ARHGAP25: variants seen among roughly 807,000 people sequenced by gnomAD.
The protein encoded by ARHGAP25 is rho GTPase-activating protein 25.
A neutral mutation model predicts 71.0 loss-of-function variants in ARHGAP25; 34 were observed. The ratio of observed to expected loss-of-function variants is 0.48; its 90% CI spans 0.36 to 0.64. The LOEUF (loss-of-function observed/expected upper bound fraction) is 0.64. Ranked by LOEUF, ARHGAP25 falls within the 30% of genes least tolerant of loss-of-function variation. ARHGAP25 has a pLI of 0.00. For missense variants in ARHGAP25, 706 were observed against 805.1 expected (o/e 0.88, Z 1.49); for synonymous variants, 282 against 296.5 (o/e 0.95, Z 0.50).
intron 4 of ARHGAP25, among the ~76,000 whole-genome samples, chr2:68,803,018 TAG>T (rs1055705537): frequency 6.6e-6 from 1 of 151,016 alleles, no homozygotes; most frequent in Non-Finnish European, 1.5e-5. Flanking sequence ...TATATATATA[TAG>T]AGAGAGAGAT....
intron 1 of ARHGAP25, among the ~76,000 whole-genome samples, chr2:68,744,182 A>T (rs532536647): frequency 6.6e-6 from 1 of 151,900 alleles, no homozygotes; most frequent in Non-Finnish European, 1.5e-5. Context: ...TCTTTCTAAA[A>T]TCACACAAAA....
chr2:68,773,186 G>A (rs1677600056), intron 1 of ARHGAP25, among the ~76,000 whole-genome samples: 1 of 152,180 alleles, frequency 6.6e-6, no homozygotes, highest in South Asian at 2.1e-4. Context: ...TGGAAATAGG[G>A]TGATAACTCC....
intron 1 of ARHGAP25, among the ~76,000 whole-genome samples, chr2:68,769,760 A>G (rs909244170): frequency 2.0e-5 from 3 of 151,968 alleles, no homozygotes; most frequent in African/African-American, 7.3e-5. Context: ...CTTGAAGGAT[A>G]AGTAAGAGTT....
chr2:68,820,581 C>T (rs1048642117), intron 9 of ARHGAP25, among the ~76,000 whole-genome samples: 1 of 152,078 alleles, frequency 6.6e-6, no homozygotes, highest in Admixed American at 6.5e-5. Flanking sequence ...GCCAAAAGGC[C>T]GAGAAGTGAT....
chr2:68,748,231 G>C (rs1675953084), intron 1 of ARHGAP25, among the ~76,000 whole-genome samples: 1 of 152,114 alleles, frequency 6.6e-6, no homozygotes, highest in African/African-American at 2.4e-5. Context: ...CCTGTCTGCT[G>C]TTCTCCCTGA....
rs1382740517 is a variant in ARHGAP25, at chr2:68,782,240, T to C, written c.269T>C (p.Met90Thr). The change falls in exon 3 of 11, where the codon ATG becomes ACG. Residue 90 changes from methionine to threonine, a missense_variant. By Grantham distance (81) the Met-to-Thr change is moderately conservative. Coordinates refer to ENST00000409202, the MANE Select transcript of ARHGAP25 (RefSeq NM_001007231.3). The stretch of plus-strand genomic sequence containing the variant: ...TGACTTTTCATCTTTCAGGGCTGCA[T>C]GTATCTACCAGGATGTACAATCAAG... ...DEEDTKPQGC[M>T]YLPGCTIKEI... The C allele has an allele frequency of 1.2e-6, 2 of 1,614,068 alleles. No individual in the cohort carries two copies. The highest frequency in any genetic ancestry group is 3.3e-5 in the Admixed American group (2 of 60,008).
chr2:68,793,214 A>T (rs1359199047), intron 4 of ARHGAP25, among the ~76,000 whole-genome samples: 1 of 152,014 alleles, frequency 6.6e-6, no homozygotes, highest in East Asian at 1.9e-4. Context: ...ATTTTCTCCC[A>T]TTTAGTAGGT....
intron 3 of ARHGAP25, among the ~76,000 whole-genome samples, chr2:68,783,049 C>A (rs1191761891): frequency 6.6e-6 from 1 of 152,218 alleles, no homozygotes; most frequent in Non-Finnish European, 1.5e-5. Flanking sequence ...CCCCTGAGTG[C>A]CTCTTTTCTT....
chr2:68,776,445 G>A (rs1418575797), intron 2 of ARHGAP25, among the ~76,000 whole-genome samples: 1 of 152,222 alleles, frequency 6.6e-6, no homozygotes, highest in Non-Finnish European at 1.5e-5. Flanking sequence ...TAGGTAAGGG[G>A]TTATGATGTT....
intron 1 of ARHGAP25, among the ~76,000 whole-genome samples, chr2:68,749,624 C>T (rs1676040595): frequency 6.6e-6 from 1 of 152,206 alleles, no homozygotes; most frequent in Non-Finnish European, 1.5e-5. Flanking sequence ...CAAAGGCAGC[C>T]TCAGTGCTTG....
chr2:68,759,438 A>T (rs1314944513), intron 1 of ARHGAP25, among the ~76,000 whole-genome samples: 1 of 151,926 alleles, frequency 6.6e-6, no homozygotes, highest in Non-Finnish European at 1.5e-5. Context: ...GAAATATAAA[A>T]GTACTATAAG....
chr2:68,734,832 C>T lies in ARHGAP25; in HGVS notation c.-368C>T, dbSNP rs1422476392. 4 of 276,864 alleles carry T rather than the reference C, an allele frequency of 1.4e-5. No individual in the cohort carries two copies. The highest frequency in any genetic ancestry group is 8.8e-5 in the African/African-American group (4 of 45,232). 17.2% of individuals were successfully genotyped at this position (276,864 alleles called of 1,614,324 possible). ...CAGCAGTTGTTTATCACGACCTCAA[C>T]TCAGTAAGGCCTGAGATTCTTTCGA... On this transcript the variant is annotated 5_prime_UTR_variant, in exon 1 of 11. Transcript: ENST00000409202.
chr2:68,809,201 T>C (rs981577316), intron 5 of ARHGAP25, among the ~76,000 whole-genome samples: 1 of 152,154 alleles, frequency 6.6e-6, no homozygotes, highest in Non-Finnish European at 1.5e-5. Context: ...TTTCCCCTTT[T>C]TCTGCCCTCT....
At chr2:68,775,712 CAG>C (rs1271719494) in intron 2 of ARHGAP25, 1 of 574,470 alleles carries the variant, frequency 1.7e-6, no homozygotes, top group South Asian at 1.5e-5. Context: ...GTCAAGGGCT[CAG>C]AGAGAGTGGA....
At chr2:68,752,433 G>C (rs1676233455) in intron 1 of ARHGAP25, among the ~76,000 whole-genome samples, 1 of 152,196 alleles carries the variant, frequency 6.6e-6, no homozygotes, top group African/African-American at 2.4e-5. Context: ...GTCTCCAGAA[G>C]AGCAGTGGCA....
intron 1 of ARHGAP25, among the ~76,000 whole-genome samples, chr2:68,762,559 C>T (rs4241341): frequency 0.85 from 128,993 of 152,120 alleles, 54,930 homozygotes; most frequent in African/African-American, 0.9. Context: ...CCTGGGGTCC[C>T]GGTGTTAGCC....
rs991947102 is a variant in ARHGAP25 at position 68,767,082 on chromosome 2, A to G, written c.62-8139A>G. Among the ~76,000 whole-genome samples the G allele has an allele frequency of 2.6e-5, 4 of 152,190 alleles. No homozygotes were observed. The highest frequency in any genetic ancestry group is 5.9e-5 in the Non-Finnish European group (4 of 68,040). ...TTTAGATATTTCTATGAATTCGGTT[A>G]TACAAATTTGTCTCAAGGGTGAGTG... On this transcript the variant is annotated intron_variant, in intron 1 of 10. Transcript: ENST00000409202. This position sits in a 1 kb window ranked among gnomAD's most constrained non-coding sequence, Gnocchi z 4.6.
chr2:68,727,871 T>C (rs1168871191), intron 2 of ARHGAP25, among the ~76,000 whole-genome samples: 1 of 152,240 alleles, frequency 6.6e-6, no homozygotes, highest in Non-Finnish European at 1.5e-5. Context: ...TGGTGACAAG[T>C]GACTCTCTTC....
At chr2:68,726,120 T>C (rs935618196) in intron 2 of ARHGAP25, among the ~76,000 whole-genome samples, 3 of 152,232 alleles carry the variant, frequency 2.0e-5, no homozygotes, top group Admixed American at 2.0e-4. Flanking sequence ...TTTTCTTGTC[T>C]CTTTCCTCAT....
Sources: gnomAD v4.1 joint callset for allele counts (sites outside exome capture counted in the v4.1 genomes callset) on GRCh38, gnomAD v4.1.1 for gene constraint, Gnocchi (gnomAD v3.1) non-coding constraint, MANE v1.5 for transcripts, NCBI Gene and HGNC (gene_info 2026-07-23, HGNC 2026-07-21) for gene names.